Variants in DDC observed in about 807,000 individuals in gnomAD.
The protein encoded by DDC is dopa decarboxylase.
In DDC, 43 loss-of-function variants were observed where a neutral mutation model predicts 60.0. The ratio of observed to expected loss-of-function variants is 0.72; its 90% CI spans 0.56 to 0.92. The LOEUF is 0.92. Ranked by LOEUF, DDC falls within the 40% of genes least tolerant of loss-of-function variation. DDC has a pLI of 0.00. For synonymous variants in DDC, 232 were observed against 234.6 expected (o/e 0.99, Z 0.10); for missense variants, 573 against 620.2 (o/e 0.92, Z 0.81).
intron 3 of DDC, among the ~76,000 whole-genome samples, chr7:50,538,436 C>A (rs912236544): frequency 6.6e-6 from 1 of 152,182 alleles, no homozygotes; most frequent in Admixed American, 6.5e-5. Context: ...TGGTCTTGAG[C>A]CCCATCCAAA....
At chr7:50,479,639 G>A (rs2042723234) in intron 10 of DDC, 148 bp downstream of exon 10, 2 of 791,300 alleles carry the variant, frequency 2.5e-6, no homozygotes, top group East Asian at 2.5e-5. Context: ...GGCTACAAGG[G>A]CAAATCCAGG....
intron 6 of DDC, among the ~76,000 whole-genome samples, chr7:50,508,002 T>C (rs2043446735): frequency 6.6e-6 from 1 of 152,264 alleles, no homozygotes; most frequent in South Asian, 2.1e-4. Flanking sequence ...TGGTTAGCTC[T>C]TGTTGTCCTG....
intron 13 of DDC, among the ~76,000 whole-genome samples, chr7:50,466,103 AATGAC>A (rs2153533529): frequency 6.6e-6 from 1 of 152,290 alleles, no homozygotes; most frequent in South Asian, 2.1e-4. Flanking sequence ...GCCCCTTGAC[AATGAC>A]ACTGACCCCA....
In DDC at chr7:50,463,229, T is replaced by C. The variant is rs1331952900; in HGVS notation, c.*2A>G. On this transcript the variant is annotated 3_prime_UTR_variant, in exon 14 of 15. Coordinates refer to ENST00000444124, the MANE Select transcript of DDC (RefSeq NM_001082971.2). ...GCAGCCTACCTGCAGCTGGCTTCAC[T>C]CCTACTCCCTCTCTGCTCGCAGCAC... is the stretch of plus-strand genomic sequence containing the variant. 1.9e-6 allele frequency: 3 copies of C among 1,609,406 alleles called. No homozygotes were observed. In the South Asian group the frequency reaches 3.3e-5, roughly 18 times the overall value.
chr7:50,495,943 C>T (rs979517772), intron 8 of DDC, among the ~76,000 whole-genome samples: 6 of 152,154 alleles, frequency 3.9e-5, no homozygotes, highest in Non-Finnish European at 5.9e-5. Flanking sequence ...TCAGACTACA[C>T]GTGTCATGAT....
chr7:50,553,198 G>C (rs1267993761), intron 1 of DDC, among the ~76,000 whole-genome samples: 1 of 152,180 alleles, frequency 6.6e-6, no homozygotes. Context: ...GTTCATGCAC[G>C]CAAGACATGA....
chr7:50,498,666 C>T (rs2043176977), intron 8 of DDC, among the ~76,000 whole-genome samples: 1 of 152,198 alleles, frequency 6.6e-6, no homozygotes, highest in Non-Finnish European at 1.5e-5. Flanking sequence ...CATTAAAGAT[C>T]ATGCTTTACA....
chr7:50,539,985 G>T lies in DDC; in HGVS notation c.245C>A (p.Thr82Asn). The change falls in exon 3 of 15, where the codon ACT (threonine) becomes AAT (asparagine). Residue 82 changes from threonine to asparagine, a missense_variant. By Grantham distance (65) the Thr-to-Asn change is moderately conservative. Transcript: ENST00000444124. ...AAGCATGGCCGGGTACGAGCTGGCA[G>T]TGGGGAAGTAGGCGAAGAAGTAGGG... Reference protein sequence around the residue: ...HSPYFFAYFPTASSYPAMLAD... With the variant: ...HSPYFFAYFPNASSYPAMLAD... 6.2e-7 allele frequency: 1 copy of T among 1,614,108 alleles called. No individual in the cohort carries two copies. The highest frequency in any genetic ancestry group is 1.1e-5 in the South Asian group (1 of 91,076).
At chr7:50,560,197 G>A (rs2045310009) in intron 1 of DDC, among the ~76,000 whole-genome samples, 1 of 152,168 alleles carries the variant, frequency 6.6e-6, no homozygotes, top group Admixed American at 6.5e-5. Context: ...CAGCTTTTGT[G>A]CAGTGATTGT....
At chr7:50,539,509 G>A (rs2044538646) in intron 3 of DDC, among the ~76,000 whole-genome samples, 1 of 152,186 alleles carries the variant, frequency 6.6e-6, no homozygotes, top group Non-Finnish European at 1.5e-5. Context: ...CCTCTCCCCA[G>A]GCAGCAGCCC....
chr7:50,501,679 G>A (rs949315213), intron 7 of DDC, among the ~76,000 whole-genome samples: 3 of 152,196 alleles, frequency 2.0e-5, no homozygotes, highest in African/African-American at 7.2e-5. Context: ...TAAATATCTG[G>A]TGATAGGAAA....
At chr7:50,527,298 C>A (rs11575351) in intron 6 of DDC, among the ~76,000 whole-genome samples, 139,803 of 152,252 alleles carry the variant, frequency 0.92, 64,564 homozygotes, top group Non-Finnish European at 0.98. Flanking sequence ...TTAACATTTT[C>A]AGTGATGTTT....
In DDC at chr7:50,501,905, C is replaced by T. The variant is rs1259294317; in HGVS notation, c.781+2088G>A. Among the ~76,000 whole-genome samples, 7 of 152,100 alleles carry T rather than the reference C, an allele frequency of 4.6e-5. No individual in the cohort carries two copies. In the South Asian group the frequency reaches 6.2e-4, roughly 14 times the overall value. On this transcript the variant is annotated intron_variant, in intron 7 of 14. Coordinates refer to ENST00000444124, the MANE Select transcript of DDC (RefSeq NM_001082971.2). The stretch of plus-strand genomic sequence containing the variant: ...CCTGGCCAATATGGTGAAACCCCAT[C>T]TCTAATAAAAATACAAAAATTAGCC...
chr7:50,467,638 C>A (rs1291714061), intron 12 of DDC, among the ~76,000 whole-genome samples: 2 of 152,242 alleles, frequency 1.3e-5, no homozygotes, highest in Non-Finnish European at 2.9e-5. Flanking sequence ...CTGGAAGAGA[C>A]AATGGCTAAT....
In DDC at chr7:50,544,010, C is replaced by T; in HGVS notation, c.76G>A (p.Gly26Arg). 6.2e-7 allele frequency: 1 copy of T among 1,614,138 alleles called. No homozygotes were observed. Among genetic ancestry groups the T allele is most frequent in the Non-Finnish European group, 8.5e-7 (1 of 1,179,990 alleles). Residue 26 changes from glycine to arginine, a missense_variant, in exon 2 of 15, where the codon GGA (glycine) becomes AGA (arginine). Gly to Arg is a moderately radical substitution (Grantham distance 125). Coordinates refer to ENST00000444124, the MANE Select transcript of DDC (RefSeq NM_001082971.2). ...TCCACGTCAGGGTAGACCTGGCGTC[C>T]CTCAATGCCTTCCATGTAGTTGGCC... ...YMANYMEGIE[G>R]RQVYPDVEPG... is the part of the protein sequence containing the mutation.
chr7:50,512,844 T>C (rs1303129234), intron 6 of DDC, among the ~76,000 whole-genome samples: 2 of 152,214 alleles, frequency 1.3e-5, no homozygotes, highest in Admixed American at 6.5e-5. Context: ...TGTGAAGACT[T>C]GGATATTCAA....
Position 50,553,609 on chromosome 7 carries a change from C to G in DDC, c.-28-9496G>C, listed in dbSNP as rs185125196. Among the ~76,000 whole-genome samples the G allele has an allele frequency of 2.7e-3, 409 of 151,342 alleles. 3 individuals carry two copies. Among genetic ancestry groups the G allele is most frequent in the African/African-American group, 9.3e-3 (382 of 41,224 alleles). On this transcript the variant is annotated intron_variant, in intron 1 of 14. Coordinates refer to ENST00000444124, the MANE Select transcript of DDC (RefSeq NM_001082971.2). The stretch of plus-strand genomic sequence containing the variant: ...TCAAGCGATTCTCCTGCCTCAGCCT[C>G]CTGAGTAGGTGGGACTACAGGTGTG...
chr7:50,528,447 A>G (rs1365728870), intron 5 of DDC, among the ~76,000 whole-genome samples, 167 bp from the exon 6 acceptor site: 1 of 151,808 alleles, frequency 6.6e-6, no homozygotes, highest in South Asian at 2.1e-4. Context: ...CCTTCATGAG[A>G]CCCCTTTTTT....
intron 12 of DDC, among the ~76,000 whole-genome samples, chr7:50,469,709 T>G (rs1242999750): frequency 6.6e-6 from 1 of 152,210 alleles, no homozygotes; most frequent in African/African-American, 2.4e-5. Context: ...CCAGGTGCAG[T>G]GGCTCACACC....
Sources: allele counts gnomAD v4.1 joint callset (sites outside exome capture counted in the v4.1 genomes callset), GRCh38; gene constraint gnomAD v4.1.1; transcripts MANE v1.5; gene names NCBI Gene and HGNC (gene_info 2026-07-23, HGNC 2026-07-21).